Variants in TLL1 observed in about 807,000 individuals in gnomAD.
TLL1 encodes tolloid-like protein 1.
A neutral mutation model predicts 128.2 loss-of-function variants in TLL1; 49 were observed. That is an observed-to-expected ratio of 0.38 (90% confidence interval 0.30 to 0.48). The LOEUF (loss-of-function observed/expected upper bound fraction) is 0.48, where lower values mean the gene tolerates loss of function less well. Among genes scored for constraint, TLL1 ranks in the 20% least tolerant of loss-of-function variants. TLL1 has a pLI of 0.96. For synonymous variants in TLL1, 454 were observed against 418.8 expected (o/e 1.08, Z -1.03); for missense variants, 1,123 against 1,242.0 (o/e 0.90, Z 1.44).
chr4:165,953,449 T>A (rs1422906785), intron 1 of TLL1, among the ~76,000 whole-genome samples: 1 of 151,922 alleles, frequency 6.6e-6, no homozygotes, highest in Non-Finnish European at 1.5e-5. Context: ...TCAGCTATGT[T>A]CTCTTGACGG....
chr4:165,931,655 C>T (rs1733527872), intron 1 of TLL1, among the ~76,000 whole-genome samples: 1 of 145,168 alleles, frequency 6.9e-6, no homozygotes, highest in Non-Finnish European at 1.5e-5. Context: ...GGAGGTGGAG[C>T]TTGCAGTGAG....
intron 9 of TLL1, among the ~76,000 whole-genome samples, chr4:166,039,066 A>G (rs1739127859): frequency 6.6e-6 from 1 of 151,092 alleles, no homozygotes; most frequent in Non-Finnish European, 1.5e-5. Flanking sequence ...GATTAACTTT[A>G]CAGAAACTTT....
intron 19 of TLL1, 67 bp from the exon 20 acceptor site, chr4:166,099,210 C>A: frequency 6.2e-7 from 1 of 1,608,874 alleles, no homozygotes; most frequent in Non-Finnish European, 8.5e-7. Context: ...TGAAACTACA[C>A]TGAAATTTAA....
At chr4:165,898,640 T>C (rs1263511177) in intron 1 of TLL1, among the ~76,000 whole-genome samples, 1 of 152,238 alleles carries the variant, frequency 6.6e-6, no homozygotes, top group Non-Finnish European at 1.5e-5. Context: ...GCCAGTATTT[T>C]ATTAAGGATT....
chr4:166,026,069 A>T (rs2111070459), intron 9 of TLL1, among the ~76,000 whole-genome samples: 1 of 152,334 alleles, frequency 6.6e-6, no homozygotes, highest in Admixed American at 6.5e-5. Context: ...GATAGTTTGA[A>T]TTGATTAAAA....
intron 1 of TLL1, among the ~76,000 whole-genome samples, chr4:165,928,940 T>C (rs1015431885): frequency 6.6e-6 from 1 of 152,214 alleles, no homozygotes; most frequent in Non-Finnish European, 1.5e-5. Flanking sequence ...CTTTTGAATT[T>C]TAATAGCCCC....
intron 16 of TLL1, among the ~76,000 whole-genome samples, chr4:166,067,604 T>C (rs900050312): frequency 7.2e-5 from 11 of 151,788 alleles, no homozygotes; most frequent in African/African-American, 2.4e-4. Context: ...TCATGTTCAC[T>C]GATGCATACT....
In TLL1 at chr4:166,075,262, G is replaced by A. The variant is rs2292083; in HGVS notation, c.2314+259G>A. Among the ~76,000 whole-genome samples the A allele has an allele frequency of 0.37, 55,814 of 152,050 alleles. 10,456 individuals are homozygous for A. The highest frequency in any genetic ancestry group is 0.43 in the African/African-American group (17,743 of 41,486). On this transcript the variant is annotated intron_variant, in intron 17 of 20. Transcript: ENST00000061240. Reference sequence around the variant, plus strand: ...AGGATACCATCTGGTAGCCAGAAAAGCACCAAGTTCTCCCCAGGTCTTTGT... The same window carrying A: ...AGGATACCATCTGGTAGCCAGAAAAACACCAAGTTCTCCCCAGGTCTTTGT...
intron 12 of TLL1, among the ~76,000 whole-genome samples, chr4:166,043,996 G>A (rs998601717): frequency 6.6e-6 from 1 of 152,086 alleles, no homozygotes; most frequent in African/African-American, 2.4e-5. Flanking sequence ...CAAAGTCTGG[G>A]TCCAGAACTA....
intron 3 of TLL1, 93 bp from the exon 4 acceptor site, chr4:165,994,288 T>C (rs1560797325): frequency 6.8e-7 from 1 of 1,472,348 alleles, no homozygotes; most frequent in Non-Finnish European, 9.4e-7. Flanking sequence ...AAAAAATATG[T>C]AAATAAGACA....
Position 166,070,677 on chromosome 4 carries a change from A to G in TLL1, c.2189-4201A>G, listed in dbSNP as rs185177629. Among the ~76,000 whole-genome samples, 291 of 152,026 alleles carry G rather than the reference A, an allele frequency of 1.9e-3. 2 individuals are homozygous for G. Among genetic ancestry groups the G allele is most frequent in the African/African-American group, 6.3e-3 (263 of 41,554 alleles). Reference sequence around the variant, plus strand: ...TCTGTCTGTAACAAATGGAGGAGTCACTTAAAATAATGTGTGCATTGCAAT... The same window carrying G: ...TCTGTCTGTAACAAATGGAGGAGTCGCTTAAAATAATGTGTGCATTGCAAT... On this transcript the variant is annotated intron_variant, in intron 16 of 20. Coordinates refer to ENST00000061240, the MANE Select transcript of TLL1 (RefSeq NM_012464.5).
chr4:166,060,237 T>A, intron 15 of TLL1, 49 bp downstream of exon 15: 1 of 1,579,552 alleles, frequency 6.3e-7, no homozygotes, highest in Non-Finnish European at 8.7e-7. Flanking sequence ...TGGAACTCCC[T>A]GAAGGCAAAC....
intron 1 of TLL1, among the ~76,000 whole-genome samples, chr4:165,982,360 A>G (rs1221340401): frequency 6.6e-6 from 1 of 151,888 alleles, no homozygotes; most frequent in Non-Finnish European, 1.5e-5. Flanking sequence ...AGTGAGTAAA[A>G]TTATCTTTAA....
chr4:165,924,385 A>T (rs574655150), intron 1 of TLL1, among the ~76,000 whole-genome samples: 3 of 152,326 alleles, frequency 2.0e-5, no homozygotes, highest in South Asian at 2.1e-4. Flanking sequence ...CTTATTTCTG[A>T]TATGGAGAAA....
intron 1 of TLL1, among the ~76,000 whole-genome samples, chr4:165,911,100 T>G (rs1480261933): frequency 6.6e-6 from 1 of 152,170 alleles, no homozygotes; most frequent in Non-Finnish European, 1.5e-5. Context: ...TTATCTATAG[T>G]CACCCTACTC....
intron 12 of TLL1, among the ~76,000 whole-genome samples, chr4:166,053,742 A>C (rs1235345206): frequency 2.0e-5 from 3 of 152,166 alleles, no homozygotes; most frequent in Admixed American, 1.3e-4. Context: ...CGTATTCCTT[A>C]ACACTAGTAA....
intron 10 of TLL1, 38 bp downstream of exon 10, chr4:166,039,479 A>G: frequency 2.0e-6 from 3 of 1,503,506 alleles, no homozygotes; most frequent in Non-Finnish European, 2.8e-6. Flanking sequence ...CTATGTATCT[A>G]TTCTGTCCCG....
intron 5 of TLL1, among the ~76,000 whole-genome samples, chr4:165,998,690 G>A (rs372273759): frequency 0.012 from 1,873 of 151,790 alleles, 32 homozygotes; most frequent in African/African-American, 0.04. Context: ...CCAGCTACTC[G>A]GGAGGCTGAG....
intron 1 of TLL1, among the ~76,000 whole-genome samples, chr4:165,939,211 T>C (rs1386883019): frequency 6.6e-6 from 1 of 152,096 alleles, no homozygotes; most frequent in Non-Finnish European, 1.5e-5. Flanking sequence ...GTAAATGTTT[T>C]TCTTGGTGTG....
Sources: allele counts gnomAD v4.1 joint callset (sites outside exome capture counted in the v4.1 genomes callset), GRCh38; gene constraint gnomAD v4.1.1; transcripts MANE v1.5; gene names NCBI Gene and HGNC (gene_info 2026-07-23, HGNC 2026-07-21).